ANKRD6: variants seen among roughly 807,000 people sequenced by gnomAD.
The protein encoded by ANKRD6 is ankyrin repeat domain 6, also known as ankyrin repeat domain-containing protein 6.
ANKRD6 carries 56 observed loss-of-function variants against 82.3 expected under a neutral mutation model. The observed-to-expected ratio is 0.68, with a 90% CI of 0.55 to 0.85. The LOEUF (loss-of-function observed/expected upper bound fraction) is 0.85. Ranked by LOEUF, ANKRD6 falls within the 40% of genes least tolerant of loss-of-function variation. The pLI, the probability that ANKRD6 is intolerant of heterozygous loss-of-function variation, is 0.00. For synonymous variants in ANKRD6, 347 were observed against 352.1 expected (o/e 0.99, Z 0.16); for missense variants, 852 against 907.6 (o/e 0.94, Z 0.79).
At chr6:89,609,712 AG>A (rs1799727973) in intron 5 of ANKRD6, among the ~76,000 whole-genome samples, 1 of 152,110 alleles carries the variant, frequency 6.6e-6, no homozygotes, top group African/African-American at 2.4e-5. Flanking sequence ...CCCGGGTTCA[AG>A]CTATTACGCT....
chr6:89,633,047 T>C lies in ANKRD6; in HGVS notation c.*2043T>C, dbSNP rs1487579881. The C allele has an allele frequency of 6.6e-6, 1 of 152,220 alleles. No individual in the cohort carries two copies. Among genetic ancestry groups the C allele is most frequent in the Non-Finnish European group, 1.5e-5 (1 of 68,042 alleles). The allele number at this position is 152,220 out of a possible 1,614,324, so 9.4% of individuals were successfully genotyped here. A position where few individuals can be genotyped will look rare whatever the true frequency, so the allele number is the denominator to read the frequency against. On this transcript the variant is annotated 3_prime_UTR_variant, in exon 16 of 16. Transcript: ENST00000339746. The stretch of plus-strand genomic sequence containing the variant: ...ACCATAGAGTGCTTTGGTGGGAGTA[T>C]TTTGATTACCTCCTACCCATCAGAA...
chr6:89,565,775 G>GGT lies in ANKRD6; in HGVS notation c.-143-1058_-143-1057dup, dbSNP rs201056708. Reference sequence around the variant, plus strand: ...TGTGGTAGGGTTTGGGTTGAAGGATGGTATCTCTGTTGTAGCATTTTCTTT... The same window carrying GGT: ...TGTGGTAGGGTTTGGGTTGAAGGATGGTGTATCTCTGTTGTAGCATTTTCTTT... On this transcript the variant is annotated intron_variant, in intron 1 of 15. Coordinates refer to ENST00000339746, the MANE Select transcript of ANKRD6 (RefSeq NM_001242809.2). 7.5e-3 allele frequency among the ~76,000 whole-genome samples: 1,138 copies of GGT among 152,264 alleles called. 15 individuals carry two copies. Among genetic ancestry groups the GGT allele is most frequent in the African/African-American group, 0.025 (1,040 of 41,536 alleles).
In ANKRD6 at chr6:89,591,759, C is replaced by T. The variant is rs1465932294; in HGVS notation, c.121-4157C>T. Among the ~76,000 whole-genome samples, 4 of 152,150 alleles carry T rather than the reference C, an allele frequency of 2.6e-5. No individual in the cohort carries two copies. The East Asian group carries it at 7.7e-4, about 29-fold the overall frequency. On this transcript the variant is annotated intron_variant, in intron 2 of 15. Transcript: ENST00000339746. Reference sequence around the variant, plus strand: ...GTGGTGTGTGTTTAAGAGGGTGGGCCTTGTGCTAGGAAAGCCCCAGGACGG... The same window carrying T: ...GTGGTGTGTGTTTAAGAGGGTGGGCTTTGTGCTAGGAAAGCCCCAGGACGG...
intron 1 of ANKRD6, among the ~76,000 whole-genome samples, chr6:89,546,450 ATGATTGAT>A (rs1005631684): frequency 2.2e-4 from 29 of 134,306 alleles, no homozygotes; most frequent in Non-Finnish European, 4.3e-4. Flanking sequence ...AAGCAGTGTG[ATGATTGAT>A]TGATCGATTG....
At chr6:89,474,161 T>G (rs536051968) in intron 1 of ANKRD6, among the ~76,000 whole-genome samples, 1 of 152,242 alleles carries the variant, frequency 6.6e-6, no homozygotes, top group African/African-American at 2.4e-5. Flanking sequence ...TGGGTCTTGT[T>G]CAGTGACACC....
At chr6:89,590,460 C>A (rs1473355667) in intron 2 of ANKRD6, among the ~76,000 whole-genome samples, 4 of 152,162 alleles carry the variant, frequency 2.6e-5, no homozygotes, top group African/African-American at 9.7e-5. Flanking sequence ...CACACCAATA[C>A]AGAGAAATGA....
chr6:89,538,850 T>A (rs967673471), intron 1 of ANKRD6, among the ~76,000 whole-genome samples: 3 of 152,134 alleles, frequency 2.0e-5, no homozygotes, highest in African/African-American at 7.2e-5. Context: ...ATCTTAATAC[T>A]TTCATGCAAA....
intron 1 of ANKRD6, among the ~76,000 whole-genome samples, chr6:89,445,264 CTTTTTTTTTTTTTT>C (rs1227274602): frequency 4.7e-5 from 3 of 64,092 alleles, no homozygotes; most frequent in African/African-American, 1.9e-4. Flanking sequence ...AGAGATCTTT[CTTTTTTTTTTTTTT>C]TTTTTTTTTT....
rs1032894081 is a variant in ANKRD6 at position 89,632,831 on chromosome 6, A to C, written c.*1827A>C. 1 of 152,220 alleles carries C rather than the reference A, an allele frequency of 6.6e-6. No homozygotes were observed. Among genetic ancestry groups the C allele is most frequent in the African/African-American group, 2.4e-5 (1 of 41,454 alleles). The allele number at this position is 152,220 out of a possible 1,614,324, so 9.4% of individuals were successfully genotyped here. ...ATCTATTCTCAAACAGGATATCACT[A>C]ACCTCTTTAGAATCATTCCTCAGTA... On this transcript the variant is annotated 3_prime_UTR_variant, in exon 16 of 16. Coordinates refer to ENST00000339746, the MANE Select transcript of ANKRD6 (RefSeq NM_001242809.2).
chr6:89,476,602 T>C (rs531594055), intron 1 of ANKRD6, among the ~76,000 whole-genome samples: 2 of 152,372 alleles, frequency 1.3e-5, no homozygotes, highest in Admixed American at 1.3e-4. Context: ...ACTTTGTTAA[T>C]TCAGTTCTTA....
At chr6:89,476,606 G>A (rs749358708) in intron 1 of ANKRD6, among the ~76,000 whole-genome samples, 5 of 152,058 alleles carry the variant, frequency 3.3e-5, no homozygotes, top group African/African-American at 4.8e-5. Context: ...TGTTAATTCA[G>A]TTCTTAATAT....
At chr6:89,571,325 A>G (rs1051035161) in intron 2 of ANKRD6, among the ~76,000 whole-genome samples, 5 of 151,908 alleles carry the variant, frequency 3.3e-5, no homozygotes, top group African/African-American at 9.7e-5. Context: ...AAGTGCTACT[A>G]TTTTTACTGA....
intron 2 of ANKRD6, among the ~76,000 whole-genome samples, chr6:89,585,013 C>T (rs1292978936): frequency 6.6e-6 from 1 of 152,130 alleles, no homozygotes; most frequent in African/African-American, 2.4e-5. Context: ...CCAAAGGGCC[C>T]CATCTCCAAA....
chr6:89,486,429 A>G (rs1239175219), intron 1 of ANKRD6, among the ~76,000 whole-genome samples: 1 of 152,138 alleles, frequency 6.6e-6, no homozygotes, highest in Non-Finnish European at 1.5e-5. Flanking sequence ...CTAACAGTAC[A>G]TTTCTCAGAA....
chr6:89,544,359 A>G (rs1428501238), intron 1 of ANKRD6, among the ~76,000 whole-genome samples: 2 of 152,150 alleles, frequency 1.3e-5, no homozygotes, highest in African/African-American at 4.8e-5. Flanking sequence ...AGCCTCACCA[A>G]TCTAGCCTGA....
chr6:89,620,593 T>C (rs1802848140), intron 9 of ANKRD6, among the ~76,000 whole-genome samples: 1 of 152,142 alleles, frequency 6.6e-6, no homozygotes, highest in Non-Finnish European at 1.5e-5. Flanking sequence ...GGACCAGAGA[T>C]TGAAGGTTTC....
chr6:89,571,672 G>A (rs529588175), intron 2 of ANKRD6, among the ~76,000 whole-genome samples: 29 of 152,136 alleles, frequency 1.9e-4, no homozygotes, highest in East Asian at 7.7e-4. Context: ...GAGATTTCCC[G>A]TATTGCTCCC....
rs1448249190 is a variant in ANKRD6 at position 89,621,935 on chromosome 6, G to T, written c.806G>T (p.Ser269Ile). 3.1e-6 allele frequency: 5 copies of T among 1,614,032 alleles called. No homozygotes were observed. The South Asian group carries it at 5.5e-5, about 18-fold the overall frequency. ...TGCCTCCTTCAGGTCTTGCGCTTCA[G>T]TCGTGGGCGAAGCCTGAGGAAAAAG... The part of the protein sequence containing the change: ...LTKAPQVLRF[S>I]RGRSLRKKRE... Residue 269 changes from serine to isoleucine, a missense_variant, in exon 10 of 16, where the codon AGT (serine) becomes ATT (isoleucine). Transcript: ENST00000339746.
At chr6:89,601,495 G>A (rs917682235) in intron 3 of ANKRD6, 2 of 152,058 alleles carry the variant, frequency 1.3e-5, no homozygotes, top group East Asian at 1.9e-4. Flanking sequence ...AAAGTTATCC[G>A]TGTTAAATAT....
Sources: allele counts gnomAD v4.1 joint callset (sites outside exome capture counted in the v4.1 genomes callset), GRCh38; gene constraint gnomAD v4.1.1; transcripts MANE v1.5; gene names NCBI Gene and HGNC (gene_info 2026-07-23, HGNC 2026-07-21).